HSPA12A: variants seen among roughly 807,000 people sequenced by gnomAD.
HSPA12A encodes heat shock protein family A (Hsp70) member 12A.
Under a neutral mutation model 69.2 loss-of-function variants are expected in HSPA12A, and 28 were observed. That is an observed-to-expected ratio of 0.40 (90% confidence interval 0.30 to 0.55). The LOEUF is 0.55. HSPA12A is among the 20% of genes least tolerant of loss of function. The probability of loss-of-function intolerance (pLI) is 0.38; values close to 1 mark genes in which losing one functional copy is unlikely to be tolerated. For missense variants in HSPA12A, 686 were observed against 900.7 expected, an observed-to-expected ratio of 0.76 and a Z score of 3.05; for synonymous variants, 345 against 370.5, an observed-to-expected ratio of 0.93 and a Z score of 0.79.
chr10:116,843,532 T>C (rs1465599950), intron 1 of HSPA12A, among the ~76,000 whole-genome samples: 1 of 152,204 alleles, frequency 6.6e-6, no homozygotes, highest in African/African-American at 2.4e-5. Context: ...AGTGAGGAAA[T>C]GGGCTCAGAA....
At chr10:116,714,240 C>A (rs1320529939) in intron 1 of HSPA12A, among the ~76,000 whole-genome samples, 3 of 152,112 alleles carry the variant, frequency 2.0e-5, no homozygotes, top group Non-Finnish European at 4.4e-5. Context: ...TCTTTCCCAA[C>A]TGAGGCATCA....
intron 5 of HSPA12A, chr10:116,698,266 G>A (rs1849974117): frequency 1.1e-5 from 2 of 183,078 alleles, no homozygotes; most frequent in South Asian, 1.6e-4. Context: ...TCATGTATAC[G>A]TGTGTGTGGA....
rs1043912906 is a variant in HSPA12A at position 116,673,493 on chromosome 10, A to G, written c.*1288T>C. On this transcript the variant is annotated 3_prime_UTR_variant, in exon 12 of 12. Transcript: ENST00000369209. ...AACTTCAACAAAATCTCAGGTTAGT[A>G]TTTCTCCAATTTCAGTTGAACCACG... 6.6e-6 allele frequency: 1 copy of G among 152,106 alleles called. No homozygotes were observed. The highest frequency in any genetic ancestry group is 6.5e-5 in the Admixed American group (1 of 15,276). The allele number at this position is 152,106 out of a possible 1,614,324, so 9.4% of individuals were successfully genotyped here. A position where few individuals can be genotyped will look rare whatever the true frequency, so the allele number is the denominator to read the frequency against.
chr10:116,693,354 G>A (rs1479983628), intron 5 of HSPA12A, among the ~76,000 whole-genome samples: 1 of 152,136 alleles, frequency 6.6e-6, no homozygotes, highest in Non-Finnish European at 1.5e-5. Context: ...CCTGGTTCAC[G>A]GGGACAAAAT....
chr10:116,690,589 C>T (rs1849707437), intron 6 of HSPA12A, among the ~76,000 whole-genome samples: 1 of 152,208 alleles, frequency 6.6e-6, no homozygotes. Context: ...AAATTCCCCA[C>T]ATTCATAAAC....
chr10:116,789,224 C>T (rs560499319), intron 2 of HSPA12A, among the ~76,000 whole-genome samples: 4 of 151,966 alleles, frequency 2.6e-5, no homozygotes, highest in Non-Finnish European at 4.4e-5. Context: ...TATATCACAT[C>T]GCAAAATAAA....
intron 1 of HSPA12A, among the ~76,000 whole-genome samples, chr10:116,741,635 T>C (rs1398563058): frequency 2.6e-5 from 4 of 152,064 alleles, no homozygotes; most frequent in Non-Finnish European, 4.4e-5. Flanking sequence ...CTCCGAAACC[T>C]GCTCGTCCTC....
chr10:116,676,519 TG>T lies in HSPA12A; in HGVS notation c.1287-18del. 6.3e-7 allele frequency: 1 copy of T among 1,597,452 alleles called. No homozygotes were observed. Among genetic ancestry groups the T allele is most frequent in the Non-Finnish European group, 8.6e-7 (1 of 1,165,526 alleles). ...AAATCCACACTGCAGGAGCATAGCA[TG>T]GAGAAGAGCAGGCAGTGAGGGTCTA... On this transcript the variant is annotated intron_variant, in intron 10 of 11. Transcript: ENST00000369209.
At chr10:116,690,363 G>A (rs1437284757) in intron 6 of HSPA12A, among the ~76,000 whole-genome samples, 1 of 152,136 alleles carries the variant, frequency 6.6e-6, no homozygotes, top group African/African-American at 2.4e-5. Flanking sequence ...CAGAGAGATA[G>A]GCCTCTAGTT....
chr10:116,705,053 C>A, intron 3 of HSPA12A, 98 bp downstream of exon 3: 1 of 1,429,794 alleles, frequency 7.0e-7, no homozygotes, highest in Non-Finnish European at 9.5e-7. Flanking sequence ...GAATCCAGGG[C>A]CGTCTTCGTA....
At chr10:116,728,774 C>T (rs1390218752) in intron 1 of HSPA12A, among the ~76,000 whole-genome samples, 1 of 152,114 alleles carries the variant, frequency 6.6e-6, no homozygotes, top group Non-Finnish European at 1.5e-5. Flanking sequence ...AAAGAGAACA[C>T]TAAAGAAATA....
intron 2 of HSPA12A, among the ~76,000 whole-genome samples, chr10:116,772,109 C>T (rs758365): frequency 0.25 from 38,575 of 152,016 alleles, 5,110 homozygotes; most frequent in African/African-American, 0.32. Flanking sequence ...GGGGTAGTGG[C>T]GAGGATGATG....
intron 2 of HSPA12A, chr10:116,750,123 T>C: frequency 1.8e-6 from 1 of 541,540 alleles, no homozygotes; most frequent in South Asian, 2.3e-5. Context: ...GATATGATAA[T>C]GTGTGTACCT....
At chr10:116,764,503 T>A (rs914480211) in intron 2 of HSPA12A, among the ~76,000 whole-genome samples, 1 of 152,202 alleles carries the variant, frequency 6.6e-6, no homozygotes, top group Non-Finnish European at 1.5e-5. Flanking sequence ...GAGTATTCTA[T>A]GTTTTGTGTT....
At chr10:116,732,413 G>T (rs1371988029) in intron 1 of HSPA12A, among the ~76,000 whole-genome samples, 1 of 151,530 alleles carries the variant, frequency 6.6e-6, no homozygotes, top group African/African-American at 2.4e-5. Flanking sequence ...CCTAGCAGCA[G>T]GTTTAAGTTC....
At chr10:116,727,293 C>A (rs1188669587) in intron 1 of HSPA12A, among the ~76,000 whole-genome samples, 2 of 152,160 alleles carry the variant, frequency 1.3e-5, no homozygotes, top group Non-Finnish European at 2.9e-5. Context: ...CCAAGACAGG[C>A]TCATTCATGT....
At chr10:116,742,374 C>T in intron 1 of HSPA12A, 56 bp downstream of exon 1, 1 of 1,416,858 alleles carries the variant, frequency 7.1e-7, no homozygotes, top group Non-Finnish European at 9.2e-7. Flanking sequence ...GCCAAGCGCG[C>T]CTCCTCCCTC....
intron 2 of HSPA12A, among the ~76,000 whole-genome samples, chr10:116,783,496 C>G (rs880904): frequency 2.0e-5 from 3 of 152,122 alleles, no homozygotes; most frequent in Non-Finnish European, 2.9e-5. Context: ...AGGCTGCACA[C>G]GGACAAAGAG....
At chr10:116,791,968 C>T (rs1267469701) in intron 2 of HSPA12A, among the ~76,000 whole-genome samples, 1 of 152,058 alleles carries the variant, frequency 6.6e-6, no homozygotes, top group African/African-American at 2.4e-5. Flanking sequence ...TCTCTGTTCT[C>T]TTGAAGAGAC....
Sources: allele counts gnomAD v4.1 joint callset (sites outside exome capture counted in the v4.1 genomes callset), GRCh38; gene constraint gnomAD v4.1.1; transcripts MANE v1.5; gene names NCBI Gene and HGNC (gene_info 2026-07-23, HGNC 2026-07-21).